KCNN2: variants seen among roughly 807,000 people sequenced by gnomAD.
KCNN2 encodes the protein potassium calcium-activated channel subfamily N member 2.
A neutral mutation model predicts 55.5 loss-of-function variants in KCNN2; 24 were observed. That is an observed-to-expected ratio of 0.43 (90% confidence interval 0.31 to 0.61). KCNN2 has a LOEUF of 0.61. Among genes scored for constraint, KCNN2 ranks in the 20% least tolerant of loss-of-function variants. KCNN2 has a pLI of 0.08. For synonymous variants in KCNN2, 431 were observed against 336.1 expected, an observed-to-expected ratio of 1.28 and a Z score of -3.09; for missense variants, 754 against 853.6, an observed-to-expected ratio of 0.88 and a Z score of 1.45.
At chr5:114,218,725 G>A (rs1457553552) in intron 1 of KCNN2, among the ~76,000 whole-genome samples, 2 of 152,158 alleles carry the variant, frequency 1.3e-5, no homozygotes, top group African/African-American at 2.4e-5. Flanking sequence ...GTAAACTATG[G>A]ACTTCGGGTG....
chr5:114,311,980 A>G (rs950638910), intron 2 of KCNN2, among the ~76,000 whole-genome samples: 5 of 152,190 alleles, frequency 3.3e-5, no homozygotes, highest in Admixed American at 2.0e-4. Context: ...TAATATGGAA[A>G]GAAAATCCAA....
chr5:114,059,212 C>G (rs1461094079), intron 1 of KCNN2, among the ~76,000 whole-genome samples: 1 of 152,014 alleles, frequency 6.6e-6, no homozygotes, highest in Admixed American at 6.6e-5. Flanking sequence ...AAAAGAAATT[C>G]CTGGATTTTT....
At chr5:114,252,582 G>C (rs1350632224) in intron 2 of KCNN2, among the ~76,000 whole-genome samples, 1 of 152,008 alleles carries the variant, frequency 6.6e-6, no homozygotes, top group Non-Finnish European at 1.5e-5. Context: ...TATCCCATTT[G>C]AGAATTTCTT....
At chr5:114,147,168 A>G (rs966631225) in intron 1 of KCNN2, among the ~76,000 whole-genome samples, 1 of 152,178 alleles carries the variant, frequency 6.6e-6, no homozygotes, top group African/African-American at 2.4e-5. Flanking sequence ...ATCAGTAAAA[A>G]TGGTAACACC....
chr5:114,098,716 C>A (rs1464832805), intron 1 of KCNN2, among the ~76,000 whole-genome samples: 1 of 151,998 alleles, frequency 6.6e-6, no homozygotes, highest in African/African-American at 2.4e-5. Flanking sequence ...GAGGATTGCC[C>A]AAAGAAAAAG....
intron 2 of KCNN2, among the ~76,000 whole-genome samples, chr5:114,281,300 T>A (rs1755618743): frequency 6.6e-6 from 1 of 152,178 alleles, no homozygotes; most frequent in South Asian, 2.1e-4. Flanking sequence ...ACATGGGATA[T>A]TCAATATATA....
intron 1 of KCNN2, among the ~76,000 whole-genome samples, chr5:114,140,520 C>T (rs2112503956): frequency 6.6e-6 from 1 of 152,202 alleles, no homozygotes; most frequent in Non-Finnish European, 1.5e-5. Flanking sequence ...TACGTAAATG[C>T]ACTTAGCATT....
At chr5:114,341,835 T>A (rs1757020861) in intron 2 of KCNN2, among the ~76,000 whole-genome samples, 1 of 152,104 alleles carries the variant, frequency 6.6e-6, no homozygotes, top group African/African-American at 2.4e-5. Context: ...CAGTTTTACT[T>A]GATAATGACA....
intron 2 of KCNN2, among the ~76,000 whole-genome samples, chr5:114,288,808 A>T (rs1008564026): frequency 4.6e-5 from 7 of 152,158 alleles, no homozygotes; most frequent in African/African-American, 1.7e-4. Context: ...CGCATCCTGT[A>T]GGTTGTCTTT....
chr5:114,461,920 G>A (rs1343685708), intron 3 of KCNN2, among the ~76,000 whole-genome samples: 2 of 152,292 alleles, frequency 1.3e-5, no homozygotes, highest in African/African-American at 4.8e-5. Flanking sequence ...GCAATTATCA[G>A]TATATTTTGC....
chr5:114,290,141 C>T (rs1755852742), intron 2 of KCNN2, among the ~76,000 whole-genome samples: 1 of 152,086 alleles, frequency 6.6e-6, no homozygotes, highest in Non-Finnish European at 1.5e-5. Context: ...AATATGTTCC[C>T]TCTTATTCTG....
At chr5:114,091,110 G>T (rs1283296530) in intron 1 of KCNN2, among the ~76,000 whole-genome samples, 1 of 152,184 alleles carries the variant, frequency 6.6e-6, no homozygotes, top group East Asian at 1.9e-4. Context: ...AATGTGCTGG[G>T]ATTACAGGTG....
At chr5:114,432,629 C>A (rs1484420735) in intron 3 of KCNN2, among the ~76,000 whole-genome samples, 1 of 152,192 alleles carries the variant, frequency 6.6e-6, no homozygotes, top group African/African-American at 2.4e-5. Flanking sequence ...GAGCCCCTTT[C>A]TGGGCTGGCC....
intron 2 of KCNN2, among the ~76,000 whole-genome samples, chr5:114,402,367 C>A (rs1160872501): frequency 1.3e-5 from 2 of 152,124 alleles, no homozygotes; most frequent in African/African-American, 4.8e-5. Flanking sequence ...AGTGAGAAAA[C>A]AAACACAACC....
At chr5:114,483,378 G>A (rs1030098720) in intron 5 of KCNN2, among the ~76,000 whole-genome samples, 4 of 148,858 alleles carry the variant, frequency 2.7e-5, no homozygotes, top group East Asian at 2.1e-4. Flanking sequence ...GGGTTCAAGC[G>A]ATTCTCCTGC....
chr5:114,325,916 A>T (rs774941136), intron 2 of KCNN2, among the ~76,000 whole-genome samples: 2 of 152,172 alleles, frequency 1.3e-5, no homozygotes, highest in Non-Finnish European at 2.9e-5. Context: ...TATATACATC[A>T]AATGTTGTCT....
At chr5:114,439,651 A>G (rs144181283) in intron 3 of KCNN2, among the ~76,000 whole-genome samples, 125 of 152,328 alleles carry the variant, frequency 8.2e-4, no homozygotes, top group African/African-American at 3.0e-3. Context: ...CCATAGCACC[A>G]AATTGATTTC....
chr5:114,084,470 T>C (rs1750969598), intron 1 of KCNN2, among the ~76,000 whole-genome samples: 1 of 152,110 alleles, frequency 6.6e-6, no homozygotes, highest in African/African-American at 2.4e-5. Flanking sequence ...TATAACTTCT[T>C]TGGTGAGGTA....
chr5:114,285,283 C>CAAAAAAAAAAAAAAAAAA (rs70976334), intron 2 of KCNN2, among the ~76,000 whole-genome samples: 1 of 56,278 alleles, frequency 1.8e-5, no homozygotes, highest in Non-Finnish European at 3.0e-5. Context: ...ACTCCATCTC[C>CAAAAAAAAAAAAAAAAAA]AAAAAAAAAA....
Sources: allele counts gnomAD v4.1 joint callset (sites outside exome capture counted in the v4.1 genomes callset), GRCh38; gene constraint gnomAD v4.1.1; transcripts MANE v1.5; gene names NCBI Gene and HGNC (gene_info 2026-07-23, HGNC 2026-07-21).